RALGAPA2: variants seen among roughly 807,000 people sequenced by gnomAD.
The protein encoded by RALGAPA2 is ral GTPase-activating protein subunit alpha-2.
In RALGAPA2, 139 loss-of-function variants were observed where a neutral mutation model predicts 230.4. That is an observed-to-expected ratio of 0.60 (90% CI 0.53 to 0.69). RALGAPA2 has a LOEUF of 0.69. Ranked by LOEUF, RALGAPA2 falls within the 30% of genes least tolerant of loss-of-function variation. RALGAPA2 has a pLI of 0.00. For missense variants in RALGAPA2, 2,163 were observed against 2,276.0 expected (o/e 0.95, Z 1.01); for synonymous variants, 847 against 837.8 (o/e 1.01, Z -0.19).
chr20:20,477,214 A>G (rs2061673413), intron 36 of RALGAPA2, among the ~76,000 whole-genome samples: 1 of 152,228 alleles, frequency 6.6e-6, no homozygotes, highest in African/African-American at 2.4e-5. Context: ...AATATTAAAT[A>G]TATTTCCAAG....
chr20:20,616,106 C>G lies in RALGAPA2; in HGVS notation c.1625G>C (p.Cys542Ser). Residue 542 changes from cysteine to serine, a missense_variant, in exon 13 of 40, where the codon TGT (cysteine) becomes TCT (serine). Transcript: ENST00000202677. ...CCTAAAAATAATCAAAACAGCTTTACAAGCATCAACTTGTTCTTTCAAGAG... is the reference window on the plus strand; with the variant it reads ...CCTAAAAATAATCAAAACAGCTTTAGAAGCATCAACTTGTTCTTTCAAGAG... ...PVLLKEQVDA[C>S]KAVLIIFRRM... 6.4e-7 allele frequency: 1 copy of G among 1,556,972 alleles called. No individual in the cohort carries two copies. Among genetic ancestry groups the G allele is most frequent in the Non-Finnish European group, 8.7e-7 (1 of 1,150,044 alleles).
rs550042239 is a variant in RALGAPA2 at position 20,662,610 on chromosome 20, G to C, written c.271-9023C>G. Among the ~76,000 whole-genome samples, 28 of 152,166 alleles carry C rather than the reference G, an allele frequency of 1.8e-4. 1 individual carries two copies. Among genetic ancestry groups the C allele is most frequent in the Non-Finnish European group, 2.2e-4 (15 of 68,030 alleles). ...TAAGCTACAGACAGTTGAACTGGTA[G>C]TACTGCAGGTAATTAAATATCCTCT... is the stretch of plus-strand genomic sequence containing the variant. On this transcript the variant is annotated intron_variant, in intron 3 of 39. Coordinates refer to ENST00000202677, the MANE Select transcript of RALGAPA2 (RefSeq NM_020343.4).
chr20:20,409,190 T>C (rs1486509265), intron 38 of RALGAPA2, among the ~76,000 whole-genome samples: 1 of 152,118 alleles, frequency 6.6e-6, no homozygotes, highest in Admixed American at 6.5e-5. Context: ...TTTCCAACAG[T>C]GGAAGCTTCA....
At chr20:20,628,778 G>A (rs561252789) in intron 10 of RALGAPA2, among the ~76,000 whole-genome samples, 24 of 152,264 alleles carry the variant, frequency 1.6e-4, no homozygotes, top group East Asian at 5.8e-4. Context: ...GCCACTAACC[G>A]TAGCCTGGGC....
chr20:20,484,055 C>T (rs1181104536), intron 36 of RALGAPA2, among the ~76,000 whole-genome samples: 1 of 152,158 alleles, frequency 6.6e-6, no homozygotes, highest in Non-Finnish European at 1.5e-5. Flanking sequence ...GACACAGTTT[C>T]CCCCTCTGGG....
At chr20:20,597,458 T>A (rs1440331611) in intron 16 of RALGAPA2, among the ~76,000 whole-genome samples, 2 of 152,212 alleles carry the variant, frequency 1.3e-5, no homozygotes, top group Non-Finnish European at 2.9e-5. Context: ...CCTTAAATTC[T>A]ATAAAGTAAT....
chr20:20,402,476 G>T (rs1378930459), intron 38 of RALGAPA2, among the ~76,000 whole-genome samples: 1 of 152,234 alleles, frequency 6.6e-6, no homozygotes, highest in East Asian at 1.9e-4. Context: ...AACTTACAGG[G>T]ATCTGCAGGG....
In RALGAPA2 at chr20:20,433,813, C is replaced by T. The variant is rs779530740; in HGVS notation, c.5496-21665G>A. On this transcript the variant is annotated intron_variant, in intron 37 of 39. Transcript: ENST00000202677. ...GGATTAGCATCTCTGCTTCACCACACAACAGACAAGTGCTAAAATACTTCA... is the reference window on the plus strand; with the variant it reads ...GGATTAGCATCTCTGCTTCACCACATAACAGACAAGTGCTAAAATACTTCA... 2.6e-5 allele frequency among the ~76,000 whole-genome samples: 4 copies of T among 152,148 alleles called. No homozygotes were observed. In the South Asian group the frequency reaches 8.3e-4, roughly 32 times the overall value.
intron 37 of RALGAPA2, among the ~76,000 whole-genome samples, chr20:20,418,734 T>A (rs1374384199): frequency 8.9e-6 from 1 of 112,034 alleles, no homozygotes; most frequent in Non-Finnish European, 1.8e-5. Flanking sequence ...TCTATTGCTA[T>A]ACATTATTTA....
At chr20:20,411,193 CCTCA>C (rs2060052442) in intron 38 of RALGAPA2, among the ~76,000 whole-genome samples, 1 of 152,152 alleles carries the variant, frequency 6.6e-6, no homozygotes, top group Non-Finnish European at 1.5e-5. Flanking sequence ...GAAGGAAGCT[CCTCA>C]CTGAGAATCT....
intron 35 of RALGAPA2, among the ~76,000 whole-genome samples, chr20:20,499,488 G>C (rs1006456464): frequency 1.3e-5 from 2 of 152,148 alleles, no homozygotes; most frequent in Non-Finnish European, 2.9e-5. Context: ...AAATAAAAAA[G>C]ATGTGTGAGC....
At chr20:20,585,024 G>C (rs2065093111) in intron 18 of RALGAPA2, 69 bp from the exon 19 acceptor site, 15 of 955,116 alleles carry the variant, frequency 1.6e-5, no homozygotes, top group Non-Finnish European at 2.3e-5. Flanking sequence ...TAAGTTTCTA[G>C]CCCAAATTTC....
chr20:20,704,102 T>C (rs2147007070), intron 1 of RALGAPA2, among the ~76,000 whole-genome samples: 1 of 152,204 alleles, frequency 6.6e-6, no homozygotes, highest in African/African-American at 2.4e-5. Context: ...AGCAAATGAC[T>C]TCACCTGCTA....
intron 4 of RALGAPA2, among the ~76,000 whole-genome samples, chr20:20,644,509 A>G (rs2067144466): frequency 6.6e-6 from 1 of 152,250 alleles, no homozygotes; most frequent in Non-Finnish European, 1.5e-5. Flanking sequence ...GAAATTCATT[A>G]GCCAGAAAAA....
intron 3 of RALGAPA2, among the ~76,000 whole-genome samples, chr20:20,669,764 T>A (rs1326536402): frequency 6.6e-6 from 1 of 152,236 alleles, no homozygotes; most frequent in Non-Finnish European, 1.5e-5. Flanking sequence ...TAGAGGCCTG[T>A]GAGCATAATT....
chr20:20,678,994 C>T (rs920308922), intron 2 of RALGAPA2, among the ~76,000 whole-genome samples: 15 of 152,176 alleles, frequency 9.9e-5, no homozygotes, highest in African/African-American at 2.7e-4. Flanking sequence ...ACTACTCCAT[C>T]GCTTTCCTTT....
intron 37 of RALGAPA2, among the ~76,000 whole-genome samples, chr20:20,452,644 C>A (rs967636225): frequency 2.6e-5 from 4 of 152,172 alleles, no homozygotes; most frequent in African/African-American, 9.7e-5. Context: ...ATGAGCCTGG[C>A]GACAATGCCG....
At chr20:20,450,118 C>A (rs2060954830) in intron 37 of RALGAPA2, among the ~76,000 whole-genome samples, 1 of 152,204 alleles carries the variant, frequency 6.6e-6, no homozygotes, top group Admixed American at 6.5e-5. Context: ...ATGGATTCCA[C>A]ATATACAAAT....
chr20:20,591,150 G>A lies in RALGAPA2; in HGVS notation c.2341+27C>T, dbSNP rs369327824. ...TTCCTCTGCCAGAATCTATAGTTCT[G>A]TATTAAACACTGAAGACATCATGTA... On this transcript the variant is annotated intron_variant, in intron 17 of 39. Transcript: ENST00000202677. 9.3e-6 allele frequency: 15 copies of A among 1,610,858 alleles called. No homozygotes were observed. In the Admixed American group the frequency reaches 1.0e-4, roughly 11 times the overall value.
Sources: gnomAD v4.1 joint callset for allele counts (sites outside exome capture counted in the v4.1 genomes callset) on GRCh38, gnomAD v4.1.1 for gene constraint, MANE v1.5 for transcripts, NCBI Gene and HGNC (gene_info 2026-07-23, HGNC 2026-07-21) for gene names.